The following AFG1L variants were observed in gnomAD, a reference collection of about 807,000 sequenced individuals.
AFG1L encodes AFG1-like ATPase.
AFG1L carries 53 observed loss-of-function variants against 62.2 expected under a neutral mutation model. The ratio of observed to expected loss-of-function variants is 0.85; its 90% CI spans 0.68 to 1.07. The LOEUF (loss-of-function observed/expected upper bound fraction) is 1.07. Ranked by LOEUF, AFG1L falls within the 50% of genes least tolerant of loss-of-function variation. The pLI, the probability that AFG1L is intolerant of heterozygous loss-of-function variation, is 0.00. For synonymous variants in AFG1L, 228 were observed against 210.3 expected, an observed-to-expected ratio of 1.08 and a Z score of -0.73; for missense variants, 555 against 590.5, an observed-to-expected ratio of 0.94 and a Z score of 0.62.
intron 7 of AFG1L, among the ~76,000 whole-genome samples, chr6:108,412,159 G>A (rs1454736810): frequency 5.9e-5 from 9 of 152,158 alleles, no homozygotes. Flanking sequence ...GGAAGAAAGG[G>A]TATCAGTGAT....
chr6:108,359,802 T>C (rs1779451130), intron 5 of AFG1L: 1 of 152,222 alleles, frequency 6.6e-6, no homozygotes, highest in African/African-American at 2.4e-5. Context: ...CCAGTTCCCA[T>C]AAGGTGCCAT....
At chr6:108,342,017 G>C (rs1467931826) in intron 2 of AFG1L, among the ~76,000 whole-genome samples, 1 of 152,160 alleles carries the variant, frequency 6.6e-6, no homozygotes, top group Non-Finnish European at 1.5e-5. Context: ...AGAGGCATGG[G>C]CAGGCTTAAG....
intron 10 of AFG1L, among the ~76,000 whole-genome samples, chr6:108,494,173 C>CT (rs1046407643): frequency 3.3e-5 from 5 of 151,978 alleles, no homozygotes; most frequent in African/African-American, 1.2e-4. Flanking sequence ...TCCATCCCCG[C>CT]TCCCCCTGCT....
At chr6:108,391,091 A>G (rs974272275) in intron 6 of AFG1L, among the ~76,000 whole-genome samples, 1 of 152,204 alleles carries the variant, frequency 6.6e-6, no homozygotes, top group Non-Finnish European at 1.5e-5. Flanking sequence ...ATGTGCAGGT[A>G]TCTTTTTTGT....
chr6:108,431,578 G>A (rs1582577019), intron 7 of AFG1L, among the ~76,000 whole-genome samples: 1 of 141,700 alleles, frequency 7.1e-6, no homozygotes, highest in Non-Finnish European at 1.5e-5. Flanking sequence ...ACAGTCAGAT[G>A]TTTCACCTTT....
chr6:108,406,365 CATT>C (rs1158421358), intron 7 of AFG1L, among the ~76,000 whole-genome samples: 2 of 148,664 alleles, frequency 1.3e-5, no homozygotes, highest in Non-Finnish European at 1.5e-5. Context: ...AGTGATATCT[CATT>C]ATGGCTTTGA....
At chr6:108,442,863 G>C (rs1422488132) in intron 7 of AFG1L, among the ~76,000 whole-genome samples, 1 of 152,032 alleles carries the variant, frequency 6.6e-6, no homozygotes, top group African/African-American at 2.4e-5. Context: ...GGGGATTGTT[G>C]GTCACCTATT....
chr6:108,390,173 T>C (rs898824204), intron 6 of AFG1L, among the ~76,000 whole-genome samples: 8 of 152,254 alleles, frequency 5.3e-5, no homozygotes, highest in African/African-American at 1.9e-4. Context: ...CTACTGAAGC[T>C]TGTGCATTCA....
chr6:108,320,122 A>G (rs1777762822), intron 1 of AFG1L, among the ~76,000 whole-genome samples: 1 of 152,236 alleles, frequency 6.6e-6, no homozygotes, highest in African/African-American at 2.4e-5. Context: ...CCAAAGATTG[A>G]TAAAATCACA....
In AFG1L at chr6:108,447,270, TC is replaced by T. The variant is rs756327254; in HGVS notation, c.866del (p.Pro289LeufsTer33). 3 of 1,607,194 alleles carry T rather than the reference TC, an allele frequency of 1.9e-6. No homozygotes were observed. In the South Asian group the frequency reaches 3.3e-5, roughly 18 times the overall value. Reference protein sequence around the residue: ...SGIDYRKRELPAAGKLYYLTS... With the variant: ...SGIDYRKRELXAAGKLYYLTS... ...GGATAGATTACCGGAAAAGGGAACT[TC>T]CTGCTGCAGGAAAACTCTACTACCT... On this transcript the variant is annotated frameshift_variant, in exon 8 of 13. Transcript: ENST00000368977. LOFTEE classifies it high-confidence loss of function.
At chr6:108,408,006 T>C (rs1438561705) in intron 7 of AFG1L, among the ~76,000 whole-genome samples, 3 of 152,194 alleles carry the variant, frequency 2.0e-5, no homozygotes, top group Non-Finnish European at 2.9e-5. Flanking sequence ...TCAAGTAAGT[T>C]ATGATTGGAT....
chr6:108,304,494 T>TA (rs1777131395), intron 1 of AFG1L, among the ~76,000 whole-genome samples: 1 of 152,228 alleles, frequency 6.6e-6, no homozygotes. Flanking sequence ...TATGGTTTGT[T>TA]AAAATCAGCA....
intron 7 of AFG1L, among the ~76,000 whole-genome samples, chr6:108,402,851 A>G (rs887956955): frequency 1.3e-5 from 2 of 152,192 alleles, no homozygotes; most frequent in Admixed American, 1.3e-4. Context: ...AATATATTTA[A>G]ATGTGATTGC....
intron 8 of AFG1L, among the ~76,000 whole-genome samples, chr6:108,455,385 G>GT (rs1250043070): frequency 1.3e-5 from 2 of 152,144 alleles, no homozygotes; most frequent in African/African-American, 4.8e-5. Flanking sequence ...AGCCTTCTCT[G>GT]TTTTTTTCTG....
chr6:108,520,043 A>G (rs1447176244), intron 12 of AFG1L: 1 of 310,164 alleles, frequency 3.2e-6, no homozygotes, highest in African/African-American at 2.2e-5. Flanking sequence ...TCCATTTTGC[A>G]TGTGATAAAA....
At position 108,392,693 on chromosome 6, in the gene AFG1L, A is replaced by G. The variant is rs987825281; in HGVS notation, c.749-9303A>G. On this transcript the variant is annotated intron_variant, in intron 6 of 12. Transcript: ENST00000368977. ...AGCTATTTCAGCAACAGCTGCTTAA[A>G]TAGTCTATAGGTAGTCTTTTCTTTT... Among the ~76,000 whole-genome samples, 3 of 152,148 alleles carry G rather than the reference A, an allele frequency of 2.0e-5. No homozygotes were observed. The South Asian group carries it at 6.2e-4, about 31-fold the overall frequency.
Position 108,522,526 on chromosome 6 carries a change from C to A in AFG1L, c.*101C>A. 1 of 1,315,544 alleles carries A rather than the reference C, an allele frequency of 7.6e-7. No individual in the cohort carries two copies. Among genetic ancestry groups the A allele is most frequent in the Non-Finnish European group, 1.0e-6 (1 of 965,832 alleles). The allele number at this position is 1,315,544 out of a possible 1,614,324, so 81.5% of individuals were successfully genotyped here. A position where few individuals can be genotyped will look rare whatever the true frequency, so the allele number is the denominator to read the frequency against. The stretch of plus-strand genomic sequence containing the variant: ...AATCATTTTCTCATCATTAATTATG[C>A]ACTTTGTCCTCTGGACCATTTTAAT... On this transcript the variant is annotated 3_prime_UTR_variant, in exon 13 of 13. Transcript: ENST00000368977.
At chr6:108,471,077 A>T (rs1187992566) in intron 8 of AFG1L, among the ~76,000 whole-genome samples, 1 of 152,060 alleles carries the variant, frequency 6.6e-6, no homozygotes. Flanking sequence ...ATCTTGGTCG[A>T]CCATGAGGAG....
chr6:108,336,705 C>A (rs1778490488), intron 2 of AFG1L, among the ~76,000 whole-genome samples: 1 of 152,098 alleles, frequency 6.6e-6, no homozygotes, highest in East Asian at 1.9e-4. Context: ...AGTCACCTTA[C>A]CAAATTTTGT....
Sources: gnomAD v4.1 joint callset for allele counts (sites outside exome capture counted in the v4.1 genomes callset) on GRCh38, gnomAD v4.1.1 for gene constraint, MANE v1.5 for transcripts, NCBI Gene and HGNC (gene_info 2026-07-23, HGNC 2026-07-21) for gene names.